KIF15: variants seen among roughly 807,000 people sequenced by gnomAD.
KIF15 encodes the protein kinesin family member 15.
A neutral mutation model predicts 190.6 loss-of-function variants in KIF15; 140 were observed. The observed-to-expected ratio is 0.73, with a 90% CI of 0.64 to 0.84. The LOEUF (loss-of-function observed/expected upper bound fraction) is 0.84. KIF15 is among the 40% of genes least tolerant of loss of function. The pLI is 0.00. For synonymous variants in KIF15, 528 were observed against 551.3 expected (o/e 0.96, Z 0.59); for missense variants, 1,372 against 1,584.4 (o/e 0.87, Z 2.28).
At chr3:44,824,148 A>G (rs1448282914) in intron 20 of KIF15, among the ~76,000 whole-genome samples, 2 of 152,194 alleles carry the variant, frequency 1.3e-5, no homozygotes, top group Non-Finnish European at 2.9e-5. Flanking sequence ...ATCTTGCCTA[A>G]TTCACATACA....
chr3:44,785,861 C>T (rs1208005078), intron 6 of KIF15, among the ~76,000 whole-genome samples: 1 of 152,130 alleles, frequency 6.6e-6, no homozygotes, highest in Non-Finnish European at 1.5e-5. Context: ...TCCCAGGCAC[C>T]TGTGGAGGCC....
At chr3:44,790,450 A>G (rs1453037966) in intron 7 of KIF15, among the ~76,000 whole-genome samples, 2 of 152,182 alleles carry the variant, frequency 1.3e-5, no homozygotes, top group South Asian at 2.1e-4. Context: ...CAAGTTCACA[A>G]CAAAATAACA....
chr3:44,855,756 GA>G (rs1699181942), downstream of KIF15, among the ~76,000 whole-genome samples: 1 of 152,062 alleles, frequency 6.6e-6, no homozygotes, highest in Non-Finnish European at 1.5e-5. Context: ...TATGAATTGA[GA>G]AACTAAAGAC....
At chr3:44,839,023 T>C (rs949955924) in intron 27 of KIF15, among the ~76,000 whole-genome samples, 4 of 152,194 alleles carry the variant, frequency 2.6e-5, no homozygotes, top group African/African-American at 9.6e-5. Flanking sequence ...GATGACTGTT[T>C]TGTTACTTGT....
chr3:44,838,893 C>T (rs1009560763), intron 27 of KIF15, among the ~76,000 whole-genome samples: 5 of 152,140 alleles, frequency 3.3e-5, no homozygotes, highest in African/African-American at 1.2e-4. Context: ...AGCTGCCTCC[C>T]ACCCACCTTA....
intron 26 of KIF15, among the ~76,000 whole-genome samples, chr3:44,836,883 A>AGG (rs1414713900): frequency 6.6e-6 from 1 of 152,204 alleles, no homozygotes; most frequent in Admixed American, 6.5e-5. Flanking sequence ...AGCAGGAACT[A>AGG]GGGAGGGGTA....
intron 20 of KIF15, among the ~76,000 whole-genome samples, chr3:44,821,139 C>A (rs1432156904): frequency 4.9e-5 from 7 of 143,820 alleles, no homozygotes; most frequent in African/African-American, 1.3e-4. Flanking sequence ...CTGACCCCCC[C>A]ACCTCCCTCC....
intron 15 of KIF15, 61 bp downstream of exon 15, chr3:44,805,229 G>T: frequency 6.8e-7 from 1 of 1,478,622 alleles, no homozygotes; most frequent in Non-Finnish European, 9.2e-7. Flanking sequence ...TTGCTGTAGT[G>T]TTAATATCGA....
chr3:44,841,185 A>G lies in KIF15; in HGVS notation c.3532A>G (p.Thr1178Ala). 6.2e-7 allele frequency: 1 copy of G among 1,613,362 alleles called. No individual in the cohort carries two copies. The highest frequency in any genetic ancestry group is 1.3e-5 in the African/African-American group (1 of 74,984). ...ASKTSLEHLV[T>A]KLNEDREVKN... ...TAAGACTTCTTTGGAACACCTTGTAACAAAGCTAAATGAAGACAGAGAAGT... is the reference window on the plus strand; with the variant it reads ...TAAGACTTCTTTGGAACACCTTGTAGCAAAGCTAAATGAAGACAGAGAAGT... The change falls in exon 29 of 35, where the codon ACA becomes GCA. Residue 1178 changes from threonine (T) to alanine (A), a missense_variant. Transcript: ENST00000326047.
At chr3:44,864,920 C>T in intron 6 of KIF15, 1 of 1,363,664 alleles carries the variant, frequency 7.3e-7, no homozygotes, top group East Asian at 2.4e-5. Context: ...GGTTTCAAGC[C>T]CAAGGCTTCT....
chr3:44,829,935 C>T (rs2125697579), intron 24 of KIF15, 36 bp from the exon 25 acceptor site: 1 of 1,272,582 alleles, frequency 7.9e-7, no homozygotes, highest in Admixed American at 2.7e-5. Flanking sequence ...TCCTTAATGT[C>T]ATTGGGTATG....
chr3:44,797,240 G>A (rs909481624), intron 8 of KIF15, among the ~76,000 whole-genome samples: 4 of 152,082 alleles, frequency 2.6e-5, no homozygotes, highest in African/African-American at 9.7e-5. Flanking sequence ...TGTTGCCCAG[G>A]CTGGTATCCA....
At chr3:44,839,143 G>T (rs1698467504) in intron 27 of KIF15, among the ~76,000 whole-genome samples, 1 of 152,080 alleles carries the variant, frequency 6.6e-6, no homozygotes, top group Admixed American at 6.6e-5. Flanking sequence ...GGCCAAGGTG[G>T]GTGGATCACG....
intron 6 of KIF15, 78 bp from the exon 7 acceptor site, chr3:44,786,317 A>C: frequency 8.5e-7 from 1 of 1,173,870 alleles, no homozygotes; most frequent in Non-Finnish European, 1.2e-6. Flanking sequence ...TTGTGAAGCG[A>C]GTGCAAAATT....
At chr3:44,802,285 T>G (rs1707314295) in intron 13 of KIF15, among the ~76,000 whole-genome samples, 1 of 152,220 alleles carries the variant, frequency 6.6e-6, no homozygotes, top group South Asian at 2.1e-4. Context: ...TTAACGTTTT[T>G]GTTGTTTTTC....
chr3:44,778,045 T>C (rs1416846032), intron 3 of KIF15, 70 bp from the exon 4 acceptor site: 6 of 1,300,776 alleles, frequency 4.6e-6, no homozygotes, highest in Admixed American at 1.7e-5. Context: ...TGCTGTTACA[T>C]TGTAGAATGC....
At chr3:44,833,537 A>T (rs1698169045) in intron 26 of KIF15, among the ~76,000 whole-genome samples, 2 of 151,986 alleles carry the variant, frequency 1.3e-5, no homozygotes, top group East Asian at 3.9e-4. Flanking sequence ...CGCAGTTTGC[A>T]ATAGAGTTAA....
chr3:44,805,740 T>A, intron 15 of KIF15, 105 bp from the exon 16 acceptor site: 1 of 1,034,474 alleles, frequency 9.7e-7, no homozygotes, highest in South Asian at 1.6e-5. Flanking sequence ...TATCTCTGAT[T>A]TAGAGATAAC....
intron 18 of KIF15, 38 bp from the exon 19 acceptor site, chr3:44,813,037 G>A: frequency 1.6e-6 from 2 of 1,233,732 alleles, no homozygotes; most frequent in East Asian, 2.5e-5. Flanking sequence ...TAGCATGCCA[G>A]TATTCCTTTT....
Sources: gnomAD v4.1 joint callset for allele counts (sites outside exome capture counted in the v4.1 genomes callset) on GRCh38, gnomAD v4.1.1 for gene constraint, MANE v1.5 for transcripts, NCBI Gene and HGNC (gene_info 2026-07-23, HGNC 2026-07-21) for gene names.